Variants in TACC3 observed in about 807,000 individuals in gnomAD.
TACC3 encodes transforming acidic coiled-coil-containing protein 3.
A neutral mutation model predicts 86.0 loss-of-function variants in TACC3; 52 were observed. That is an observed-to-expected ratio of 0.60 (90% CI 0.48 to 0.76). TACC3 has a LOEUF of 0.76. TACC3 is among the 30% of genes least tolerant of loss of function. The probability of loss-of-function intolerance (pLI) is 0.00; values close to 1 mark genes in which losing one functional copy is unlikely to be tolerated. For missense variants in TACC3, 1,120 were observed against 1,070.4 expected (o/e 1.05, Z -0.65); for synonymous variants, 512 against 430.0 (o/e 1.19, Z -2.36).
intron 4 of TACC3, among the ~76,000 whole-genome samples, chr4:1,730,067 C>T (rs1717924162): frequency 2.0e-5 from 3 of 150,702 alleles, no homozygotes; most frequent in South Asian, 4.2e-4. Flanking sequence ...GAGACAGAGT[C>T]TCGCTCTGTC....
chr4:1,720,739 C>A (rs1363125602), upstream of TACC3: 1 of 1,573,992 alleles, frequency 6.4e-7, no homozygotes, highest in South Asian at 1.2e-5. This position sits in a 1 kb window ranked among gnomAD's most constrained non-coding sequence, Gnocchi z 4.4. Flanking sequence ...GCAGGTTCTG[C>A]ACCGTGAGCC....
chr4:1,744,694 C>T lies in TACC3; in HGVS notation c.2331-18C>T, dbSNP rs1160992254. On this transcript the variant is annotated intron_variant, in intron 14 of 15. Transcript: ENST00000313288. ...CCTGGGCCCCAGCTCAGCCTCTGCC[C>T]CGCCCCTACCCCTCCAGGGCAAACG... is the stretch of plus-strand genomic sequence containing the variant. 1 of 1,612,312 alleles carries T rather than the reference C, an allele frequency of 6.2e-7. No homozygotes were observed. The highest frequency in any genetic ancestry group is 2.2e-5 in the East Asian group (1 of 44,858).
At chr4:1,722,269 C>G (rs1033615358) in intron 1 of TACC3, among the ~76,000 whole-genome samples, 3 of 152,238 alleles carry the variant, frequency 2.0e-5, no homozygotes, top group Non-Finnish European at 1.5e-5. Context: ...CTCCTCCAGG[C>G]CGCCAGAAGG....
rs1024821647 is a variant in TACC3 at position 1,742,825 on chromosome 4, A to C, written c.2224-1693A>C. On this transcript the variant is annotated intron_variant, in intron 13 of 15. Transcript: ENST00000313288. ...AAAAAAAAAAATACAAAAATTAGTT[A>C]GGCATGGTGGTGTGCACCTATAGTC... is the stretch of plus-strand genomic sequence containing the variant. 4.0e-5 allele frequency among the ~76,000 whole-genome samples: 6 copies of C among 148,902 alleles called. No individual in the cohort carries two copies. The South Asian group carries it at 1.3e-3, about 32-fold the overall frequency.
Position 1,738,886 on chromosome 4 carries a change from G to A in TACC3, c.1942-816G>A, listed in dbSNP as rs185859072. On this transcript the variant is annotated intron_variant, in intron 10 of 15. Transcript: ENST00000313288. ...GTGACTTAGGTCAGAGCAGGTGACC[G>A]GGATGAGTCAGGATGGAGCAGGTGA... Among the ~76,000 whole-genome samples the A allele has an allele frequency of 6.4e-3, 969 of 152,238 alleles. 11 individuals are homozygous for A. The highest frequency in any genetic ancestry group is 0.011 in the Non-Finnish European group (722 of 68,018).
In TACC3 at chr4:1,744,770, C is replaced by T. The variant is rs764134972; in HGVS notation, c.2389C>T (p.Gln797Ter). The change falls in exon 15 of 16, where the codon CAG becomes TAG. Residue 797 changes from glutamine (Q) to a stop codon, truncating the protein, a stop_gained. Transcript: ENST00000313288. LOFTEE classifies it high-confidence loss of function. The part of the protein sequence containing the change: ...SKAQAEALAL[Q>*]ASLRKEQMRI... ...GGCCCAGGCGGAAGCGTTGGCCCTC[C>T]AGGCCAGCCTGAGGAAGGAGCAGAT... 1 of 1,612,786 alleles carries T rather than the reference C, an allele frequency of 6.2e-7. No individual in the cohort carries two copies. The highest frequency in any genetic ancestry group is 8.5e-7 in the Non-Finnish European group (1 of 1,180,000).
intron 6 of TACC3, among the ~76,000 whole-genome samples, chr4:1,734,682 T>C (rs990205553): frequency 6.6e-6 from 1 of 151,922 alleles, no homozygotes; most frequent in African/African-American, 2.4e-5. Flanking sequence ...CACCTTTTCT[T>C]TTTTTTTGCA....
intron 13 of TACC3, among the ~76,000 whole-genome samples, chr4:1,742,918 T>C (rs549897805): frequency 6.7e-6 from 1 of 148,378 alleles, no homozygotes; most frequent in African/African-American, 2.5e-5. Flanking sequence ...AGTGAGCCGA[T>C]ATGGCACCAT....
Position 1,735,254 on chromosome 4 carries a change from C to G in TACC3, c.1592-19C>G, listed in dbSNP as rs752057831. On this transcript the variant is annotated intron_variant, in intron 6 of 15. Coordinates refer to ENST00000313288, the MANE Select transcript of TACC3 (RefSeq NM_006342.3). This position sits in a 1 kb window ranked among gnomAD's most constrained non-coding sequence, Gnocchi z 4.2. Reference sequence around the variant, plus strand: ...CCCTGGTGAGGGGCGATGGCGGCGGCATGATTCACTCCTCTCAGTTCTAGG... The same window carrying G: ...CCCTGGTGAGGGGCGATGGCGGCGGGATGATTCACTCCTCTCAGTTCTAGG... The G allele has an allele frequency of 6.2e-7, 1 of 1,613,816 alleles. No homozygotes were observed. Among genetic ancestry groups the G allele is most frequent in the Admixed American group, 1.7e-5 (1 of 60,030 alleles).
At chr4:1,732,895 C>G (rs1012129357) in intron 6 of TACC3, among the ~76,000 whole-genome samples, 1 of 152,194 alleles carries the variant, frequency 6.6e-6, no homozygotes, top group Admixed American at 6.5e-5. Flanking sequence ...AGTGCTGCCT[C>G]GAATGTTCAG....
chr4:1,744,293 T>G lies in TACC3; in HGVS notation c.2224-225T>G, dbSNP rs1718735841. Reference sequence around the variant, plus strand: ...GGGCCCAGCCGTGAGGGCACCAGGTTCAGGCCCGGCATCTCAGGGTGGAGA... The same window carrying G: ...GGGCCCAGCCGTGAGGGCACCAGGTGCAGGCCCGGCATCTCAGGGTGGAGA... On this transcript the variant is annotated intron_variant, in intron 13 of 15. Transcript: ENST00000313288. 10 of 545,846 alleles carry G rather than the reference T, an allele frequency of 1.8e-5. No homozygotes were observed. The South Asian group carries it at 2.4e-4, about 13-fold the overall frequency. 33.8% of individuals were successfully genotyped at this position (545,846 alleles called of 1,614,324 possible). A position where few individuals can be genotyped will look rare whatever the true frequency, so the allele number is the denominator to read the frequency against.
intron 13 of TACC3, among the ~76,000 whole-genome samples, chr4:1,743,169 G>A (rs1185966978): frequency 3.3e-5 from 5 of 151,252 alleles, no homozygotes; most frequent in African/African-American, 1.2e-4. Flanking sequence ...GGCTGAGGCA[G>A]GAGAATCAAT....
rs1162657421 is a variant in TACC3 at position 1,728,278 on chromosome 4, C to T, written c.876C>T (p.Thr292=). ...CAGCAGATGGCACTCAGACCCTTAC[C>T]TGTGCACACACCTCTGCTCCTGAGA... is the stretch of plus-strand genomic sequence containing the variant. ...PVPADGTQTL[T]CAHTSAPEST... Residue 292 remains threonine, a synonymous_variant, in exon 4 of 16, where the codon ACC becomes ACT. Coordinates refer to ENST00000313288, the MANE Select transcript of TACC3 (RefSeq NM_006342.3). The T allele has an allele frequency of 1.2e-6, 2 of 1,612,766 alleles. No homozygotes were observed. The highest frequency in any genetic ancestry group is 1.7e-6 in the Non-Finnish European group (2 of 1,180,020).
chr4:1,741,217 G>A, intron 13 of TACC3: 1 of 438,562 alleles, frequency 2.3e-6, no homozygotes, highest in Non-Finnish European at 4.1e-6. Context: ...GGCCATCTGA[G>A]CCGTCCGCTG....
rs78738426 is a variant in TACC3, at chr4:1,740,615, G to A, written c.2063-211G>A. ...TCTGGCCCAGGCTCCAGTTCCCTGCGGATCTGATGTGGAGGAAACAGCTGT... is the reference window on the plus strand; with the variant it reads ...TCTGGCCCAGGCTCCAGTTCCCTGCAGATCTGATGTGGAGGAAACAGCTGT... On this transcript the variant is annotated intron_variant, in intron 12 of 15. Transcript: ENST00000313288. 0.14 allele frequency: 69,265 copies of A among 511,338 alleles called. 5,886 individuals are homozygous for A. Among genetic ancestry groups the A allele is most frequent in the Non-Finnish European group, 0.18 (50,984 of 287,900 alleles). 31.7% of individuals were successfully genotyped at this position (511,338 alleles called of 1,614,324 possible).
intron 8 of TACC3, among the ~76,000 whole-genome samples, chr4:1,736,510 A>G (rs1301653093): frequency 6.6e-6 from 1 of 151,874 alleles, no homozygotes; most frequent in African/African-American, 2.4e-5. Context: ...TGTTTGTGTA[A>G]AGTTTTATCG....
intron 4 of TACC3, among the ~76,000 whole-genome samples, chr4:1,730,544 C>T (rs771701899): frequency 1.3e-5 from 2 of 152,222 alleles, no homozygotes; most frequent in Non-Finnish European, 2.9e-5. Flanking sequence ...CTGCCCACAC[C>T]TGCCCCAGCC....
Position 1,737,254 on chromosome 4 carries a change from A to G in TACC3, c.1762A>G (p.Asn588Asp). The change falls in exon 9 of 16, where the codon AAT becomes GAT. Residue 588 changes from asparagine to aspartate, a missense_variant. Physicochemically the swap from Asn to Asp is conservative, Grantham distance 23 (BLOSUM62 1). Coordinates refer to ENST00000313288, the MANE Select transcript of TACC3 (RefSeq NM_006342.3). Reference protein sequence around the residue: ...ATETSSMHGANETPSGRPREA... With the variant: ...ATETSSMHGADETPSGRPREA... ...GCTTGGTGGCAGCATGCACGGTGCAAATGAGACTCCCTCAGGACGTCCGCG... is the reference window on the plus strand; with the variant it reads ...GCTTGGTGGCAGCATGCACGGTGCAGATGAGACTCCCTCAGGACGTCCGCG... 1.2e-6 allele frequency: 2 copies of G among 1,614,028 alleles called. No individual in the cohort carries two copies. The highest frequency in any genetic ancestry group is 1.7e-4 in the Middle Eastern group (1 of 6,028).
At chr4:1,744,211 G>T (rs1718731784) in intron 13 of TACC3, among the ~76,000 whole-genome samples, 1 of 152,208 alleles carries the variant, frequency 6.6e-6, no homozygotes, top group Non-Finnish European at 1.5e-5. Context: ...GGTCCCAGGT[G>T]CATCCCACTT....
Sources: allele counts gnomAD v4.1 joint callset (sites outside exome capture counted in the v4.1 genomes callset), GRCh38; gene constraint gnomAD v4.1.1; non-coding constraint Gnocchi (gnomAD v3.1); transcripts MANE v1.5; gene names NCBI Gene and HGNC (gene_info 2026-07-23, HGNC 2026-07-21).